The following SPATA22 variants were observed in gnomAD, a reference collection of about 807,000 sequenced individuals.
SPATA22 encodes the protein spermatogenesis-associated protein 22.
SPATA22 carries 29 observed loss-of-function variants against 47.8 expected under a neutral mutation model. That is an observed-to-expected ratio of 0.61 (90% CI 0.45 to 0.83). The LOEUF is 0.83. SPATA22 is among the 40% of genes least tolerant of loss of function. The pLI is 0.00. For synonymous variants in SPATA22, 133 were observed against 140.9 expected (o/e 0.94, Z 0.40); for missense variants, 410 against 421.7 (o/e 0.97, Z 0.24).
intron 1 of SPATA22, among the ~76,000 whole-genome samples, chr17:3,479,964 T>C (rs543217044): frequency 2.5e-4 from 38 of 152,242 alleles, no homozygotes; most frequent in East Asian, 9.6e-4. Context: ...CATTTGAGAA[T>C]GGAAGAAAAA....
chr17:3,470,785 C>G (rs2073414579), intron 1 of SPATA22, among the ~76,000 whole-genome samples: 1 of 150,674 alleles, frequency 6.6e-6, no homozygotes, highest in Non-Finnish European at 1.5e-5. Context: ...TTGGGAAACA[C>G]GAGGTCAGGT....
In SPATA22 at chr17:3,446,572, C is replaced by G; in HGVS notation, c.702G>C (p.Lys234Asn). Residue 234 changes from lysine (K) to asparagine (N), a missense_variant, in exon 7 of 9, where the codon AAG becomes AAC. Lys to Asn is a moderately conservative substitution (Grantham distance 94). Transcript: ENST00000572969. ...KETSLYQLQFKEKASSLRIIS... is the reference protein window; with the variant it reads ...KETSLYQLQFNEKASSLRIIS... The stretch of plus-strand genomic sequence containing the variant: ...TAATTCTTAAAGAACTAGCTTTTTC[C>G]TTAAACTGTAACTGATACAATGAGG... The G allele has an allele frequency of 6.3e-7, 1 of 1,590,404 alleles. No individual in the cohort carries two copies. The highest frequency in any genetic ancestry group is 8.6e-7 in the Non-Finnish European group (1 of 1,163,178).
intron 1 of SPATA22, among the ~76,000 whole-genome samples, chr17:3,505,916 C>T (rs911918000): frequency 2.0e-5 from 3 of 152,030 alleles, no homozygotes; most frequent in Non-Finnish European, 4.4e-5. Context: ...CGCCAGCAAG[C>T]CTGGCTAATT....
intron 1 of SPATA22, among the ~76,000 whole-genome samples, chr17:3,506,871 G>T (rs113910835): frequency 3.0e-4 from 45 of 152,262 alleles, no homozygotes; most frequent in African/African-American, 7.5e-4. Context: ...AAGCCGGGAG[G>T]TGGAGGTTGC....
At chr17:3,480,945 C>G (rs1311102468) in intron 1 of SPATA22, among the ~76,000 whole-genome samples, 1 of 151,822 alleles carries the variant, frequency 6.6e-6, no homozygotes, top group Non-Finnish European at 1.5e-5. Flanking sequence ...CAGAGCAAGA[C>G]TGTATCTCCA....
intron 1 of SPATA22, among the ~76,000 whole-genome samples, chr17:3,504,748 G>A (rs187580944): frequency 2.9e-3 from 447 of 152,000 alleles, no homozygotes; most frequent in African/African-American, 9.6e-3. Context: ...TAGTAGAGAC[G>A]GGGTTTCTCC....
chr17:3,499,426 C>G (rs2073964122), intron 1 of SPATA22: 1 of 144,492 alleles, frequency 6.9e-6, no homozygotes, highest in South Asian at 2.4e-4. Flanking sequence ...TTGTGCTTTG[C>G]CTTACTACAC....
chr17:3,507,988 GTGAA>G (rs1225014252), intron 1 of SPATA22, among the ~76,000 whole-genome samples: 1 of 152,190 alleles, frequency 6.6e-6, no homozygotes, highest in African/African-American at 2.4e-5. Context: ...AAGCTAGGAT[GTGAA>G]TCACGTACAA....
At chr17:3,470,357 C>G (rs1265620140) in intron 1 of SPATA22, among the ~76,000 whole-genome samples, 1 of 152,154 alleles carries the variant, frequency 6.6e-6, no homozygotes, top group African/African-American at 2.4e-5. Context: ...GTTCCAAATT[C>G]ACAACCCAAT....
chr17:3,451,075 A>G (rs2072848296), intron 5 of SPATA22, among the ~76,000 whole-genome samples: 1 of 152,226 alleles, frequency 6.6e-6, no homozygotes. Flanking sequence ...CTCAGTTTAG[A>G]TTCAAAGACA....
rs577576398 is a variant in SPATA22, at chr17:3,444,297, C to G, written c.803-1026G>C. On this transcript the variant is annotated intron_variant, in intron 7 of 8. Transcript: ENST00000572969. ...ATAGGATTTGTCCCCATCCCCAGAT[C>G]CACGAGTGAACTGTGACTGACTTAA... Among the ~76,000 whole-genome samples the G allele has an allele frequency of 3.1e-4, 47 of 152,110 alleles. 1 individual carries two copies. In the Middle Eastern group the frequency reaches 0.017, roughly 55 times the overall value.
chr17:3,467,371 T>G, intron 3 of SPATA22, 55 bp downstream of exon 3: 1 of 1,358,068 alleles, frequency 7.4e-7, no homozygotes, highest in South Asian at 1.4e-5. Context: ...ATTACAATTT[T>G]CTATAATCCT....
At chr17:3,445,849 G>C (rs2072715225) in intron 7 of SPATA22, among the ~76,000 whole-genome samples, 1 of 152,084 alleles carries the variant, frequency 6.6e-6, no homozygotes, top group Non-Finnish European at 1.5e-5. Flanking sequence ...GGAGGAGGCT[G>C]TATCAGTTTC....
At chr17:3,481,928 G>A (rs1173639002) in intron 1 of SPATA22, 2 of 881,332 alleles carry the variant, frequency 2.3e-6, no homozygotes, top group Non-Finnish European at 3.5e-6. Context: ...CCATAGCCAG[G>A]CTTGGTGGTT....
chr17:3,441,108 A>C (rs540996236), intron 8 of SPATA22: 7 of 152,106 alleles, frequency 4.6e-5, no homozygotes, highest in Non-Finnish European at 1.0e-4. Flanking sequence ...AAGCATTCTG[A>C]AGTTGCTTTC....
intron 8 of SPATA22, chr17:3,440,583 T>C (rs540413301): frequency 5.4e-4 from 165 of 307,818 alleles, no homozygotes; most frequent in African/African-American, 3.4e-3. Flanking sequence ...CATCAAAGAC[T>C]GAATAATCCC....
intron 1 of SPATA22, chr17:3,511,175 GTGTGCATGGGTGTGGTTT>G (rs1320483945): frequency 6.6e-6 from 1 of 152,222 alleles, no homozygotes; most frequent in Non-Finnish European, 1.5e-5. Context: ...GAGGGTGTGT[GTGTGCATGGGTGTGGTTT>G]TGTGCACCCC....
intron 5 of SPATA22, 100 bp from the exon 6 acceptor site, chr17:3,449,249 A>T: frequency 1.2e-6 from 1 of 865,836 alleles, no homozygotes; most frequent in Non-Finnish European, 1.7e-6. Context: ...TTTATGACTT[A>T]GAAAGCACTT....
chr17:3,456,113 T>C (rs910673596), intron 5 of SPATA22, among the ~76,000 whole-genome samples: 9 of 152,072 alleles, frequency 5.9e-5, no homozygotes, highest in African/African-American at 2.2e-4. Flanking sequence ...TATTGGTGTA[T>C]AAGAATGCTT....
Sources: gnomAD v4.1 joint callset for allele counts (sites outside exome capture counted in the v4.1 genomes callset) on GRCh38, gnomAD v4.1.1 for gene constraint, MANE v1.5 for transcripts, NCBI Gene and HGNC (gene_info 2026-07-23, HGNC 2026-07-21) for gene names.